TBXAS1: variants seen among roughly 807,000 people sequenced by gnomAD.
TBXAS1 encodes thromboxane A synthase 1.
In TBXAS1, 48 loss-of-function variants were observed where a neutral mutation model predicts 60.7. The observed-to-expected ratio is 0.79, with a 90% CI of 0.63 to 1.01. The LOEUF is 1.01. TBXAS1 is among the 50% of genes least tolerant of loss of function. TBXAS1 has a pLI of 0.00. For missense variants in TBXAS1, 685 were observed against 686.3 expected, an observed-to-expected ratio of 1.00 and a Z score of 0.02; for synonymous variants, 287 against 269.7, an observed-to-expected ratio of 1.06 and a Z score of -0.63.
chr7:139,951,763 ACT>A (rs1390574712), intron 5 of TBXAS1, among the ~76,000 whole-genome samples: 2 of 142,508 alleles, frequency 1.4e-5, no homozygotes, highest in African/African-American at 5.3e-5. Flanking sequence ...ACAAAGCAAG[ACT>A]CTGTCTAAAA....
chr7:139,948,523 T>A (rs1055281838), intron 5 of TBXAS1, among the ~76,000 whole-genome samples: 9 of 152,228 alleles, frequency 5.9e-5, no homozygotes, highest in East Asian at 5.8e-4. Flanking sequence ...TCACTTTTTT[T>A]AAACCTAATA....
chr7:139,998,181 T>A (rs1052363598), intron 9 of TBXAS1, among the ~76,000 whole-genome samples: 3 of 152,186 alleles, frequency 2.0e-5, no homozygotes, highest in African/African-American at 7.2e-5. Flanking sequence ...TAATCTCTCG[T>A]GTTAGAAGTC....
At chr7:139,833,995 C>G (rs1354426073) in intron 1 of TBXAS1, among the ~76,000 whole-genome samples, 1 of 152,298 alleles carries the variant, frequency 6.6e-6, no homozygotes, top group South Asian at 2.1e-4. Flanking sequence ...CATCCAATAA[C>G]CGCAGAATAC....
In TBXAS1 at chr7:139,916,484, C is replaced by T. The variant is rs1192024367; in HGVS notation, c.333+5163C>T. On this transcript the variant is annotated intron_variant, in intron 4 of 12. Coordinates refer to ENST00000448866, the MANE Select transcript of TBXAS1 (RefSeq NM_001061.7). This position sits in a 1 kb window ranked among gnomAD's most constrained non-coding sequence, Gnocchi z 4.2. ...AGCCACACCACTGACACACAAGAGT[C>T]ACGTCCAAAGCCATGTGATGGACGT... Among the ~76,000 whole-genome samples, 3 of 152,188 alleles carry T rather than the reference C, an allele frequency of 2.0e-5. No individual in the cohort carries two copies. Among genetic ancestry groups the T allele is most frequent in the Admixed American group, 6.5e-5 (1 of 15,284 alleles).
chr7:139,847,385 T>G (rs1799889784), intron 1 of TBXAS1, among the ~76,000 whole-genome samples: 1 of 152,204 alleles, frequency 6.6e-6, no homozygotes, highest in Non-Finnish European at 1.5e-5. Flanking sequence ...TTCTCGCCTG[T>G]TGACCAGATC....
At chr7:139,955,864 C>T (rs368455620) in intron 7 of TBXAS1, among the ~76,000 whole-genome samples, 4 of 152,312 alleles carry the variant, frequency 2.6e-5, no homozygotes, top group South Asian at 2.1e-4. Context: ...TGGGACGCAC[C>T]GTGTTAGGCA....
At chr7:139,853,396 C>G (rs1223727188) in intron 1 of TBXAS1, among the ~76,000 whole-genome samples, 1 of 152,212 alleles carries the variant, frequency 6.6e-6, no homozygotes, top group Non-Finnish European at 1.5e-5. Context: ...AGCCAGACAG[C>G]CTGGGTTCGA....
At chr7:139,955,682 T>C in intron 7 of TBXAS1, 75 bp downstream of exon 7, 1 of 1,595,028 alleles carries the variant, frequency 6.3e-7, no homozygotes, top group Non-Finnish European at 8.5e-7. Context: ...CTGGGGTGGC[T>C]TCTGGGGCTC....
In TBXAS1 at chr7:139,962,146, A is replaced by T; in HGVS notation, c.1047A>T (p.Thr349=). The T allele has an allele frequency of 6.2e-7, 1 of 1,614,010 alleles. No individual in the cohort carries two copies. The highest frequency in any genetic ancestry group is 8.5e-7 in the Non-Finnish European group (1 of 1,180,022). The change falls in exon 9 of 13, where the codon ACA becomes ACT. Residue 349 remains threonine (T), a synonymous_variant. Coordinates refer to ENST00000448866, the MANE Select transcript of TBXAS1 (RefSeq NM_001061.7). ...CTGGCTATGAAATCATCACCAACAC[A>T]CTTTCTTTTGCCACCTACCTACTGG... ...LIAGYEIITN[T]LSFATYLLAT...
Position 139,829,318 on chromosome 7 carries a change from G to A in TBXAS1, c.-73G>A, listed in dbSNP as rs1250817390. 1.4e-6 allele frequency: 2 copies of A among 1,430,868 alleles called. No individual in the cohort carries two copies. The highest frequency in any genetic ancestry group is 3.7e-5 in the Admixed American group (2 of 53,672). The allele number at this position is 1,430,868 out of a possible 1,614,324, so 88.6% of individuals were successfully genotyped here. The stretch of plus-strand genomic sequence containing the variant: ...TTCCCTTTTCTACCTGCAGAGCACG[G>A]TTCCCATAAGGGCGGCGAGATCAGC... On this transcript the variant is annotated 5_prime_UTR_variant, in exon 1 of 13. Transcript: ENST00000448866.
chr7:139,810,441 T>C (rs1318165066), intron 4 of TBXAS1, among the ~76,000 whole-genome samples: 1 of 152,152 alleles, frequency 6.6e-6, no homozygotes, highest in Non-Finnish European at 1.5e-5. Flanking sequence ...AGTGGTTGAG[T>C]GTCTCTGGTG....
chr7:139,876,408 T>C (rs1441145279), intron 3 of TBXAS1, among the ~76,000 whole-genome samples: 1 of 152,178 alleles, frequency 6.6e-6, no homozygotes, highest in Admixed American at 6.5e-5. Flanking sequence ...TCCTAATCAT[T>C]TTAGTTGGTT....
chr7:140,014,908 C>CAAAAAAAAA lies in TBXAS1; in HGVS notation c.1227-814_1227-806dup, dbSNP rs771922926. Among the ~76,000 whole-genome samples, 16 of 131,288 alleles carry CAAAAAAAAA rather than the reference C, an allele frequency of 1.2e-4. 1 individual carries two copies. The highest frequency in any genetic ancestry group is 4.7e-4 in the South Asian group (2 of 4,256). 86.1% of individuals were successfully genotyped at this position (131,288 alleles called of 152,430 possible). On this transcript the variant is annotated intron_variant, in intron 10 of 12. Transcript: ENST00000448866. The stretch of plus-strand genomic sequence containing the variant: ...TGGGTGACAGAGCAAGACCCTGTCT[C>CAAAAAAAAA]AAAAAAAAAGAAGAAGAAGAAAGAA...
upstream of TBXAS1, among the ~76,000 whole-genome samples, chr7:139,826,050 C>T (rs962300635): frequency 6.6e-6 from 1 of 152,172 alleles, no homozygotes; most frequent in African/African-American, 2.4e-5. Context: ...CTTGGTTATA[C>T]ATACACTGAG....
At chr7:139,831,385 C>A (rs933399064) in intron 1 of TBXAS1, among the ~76,000 whole-genome samples, 1 of 152,182 alleles carries the variant, frequency 6.6e-6, no homozygotes, top group Admixed American at 6.5e-5. Flanking sequence ...TAAGCAACAG[C>A]CACCAGCTTG....
intron 3 of TBXAS1, among the ~76,000 whole-genome samples, chr7:139,908,447 T>G (rs1434231860): frequency 6.6e-6 from 1 of 152,128 alleles, no homozygotes; most frequent in Non-Finnish European, 1.5e-5. Flanking sequence ...GTGGATAACT[T>G]GAACATTTTT....
intron 10 of TBXAS1, among the ~76,000 whole-genome samples, chr7:140,011,285 C>A (rs201351082): frequency 0.17 from 1,035 of 5,950 alleles, 16 homozygotes; most frequent in African/African-American, 0.28. Flanking sequence ...TCAAAAAAAA[C>A]AAACAAACAA....
In TBXAS1 at chr7:139,911,216, T is replaced by A; in HGVS notation, c.237-9T>A. The A allele has an allele frequency of 6.2e-7, 1 of 1,613,446 alleles. No homozygotes were observed. Among genetic ancestry groups the A allele is most frequent in the Non-Finnish European group, 8.5e-7 (1 of 1,179,352 alleles). On this transcript the variant is annotated splice_polypyrimidine_tract_variant and intron_variant, in intron 3 of 12. Transcript: ENST00000448866. Reference sequence around the variant, plus strand: ...CAACACATTTTAATGCATTTTTTATTCCTCCCAGGTACTATCTTGGTCGTC... The same window carrying A: ...CAACACATTTTAATGCATTTTTTATACCTCCCAGGTACTATCTTGGTCGTC...
rs1380010444 is a variant in TBXAS1 at position 139,916,068 on chromosome 7, A to G, written c.333+4747A>G. Among the ~76,000 whole-genome samples the G allele has an allele frequency of 1.3e-5, 2 of 152,198 alleles. No individual in the cohort carries two copies. Among genetic ancestry groups the G allele is most frequent in the African/African-American group, 4.8e-5 (2 of 41,452 alleles). On this transcript the variant is annotated intron_variant, in intron 4 of 12. Transcript: ENST00000448866. This position sits in a 1 kb window ranked among gnomAD's most constrained non-coding sequence, Gnocchi z 4.2. ...GTCGTCCTGGTACATCAGGACTCGG[A>G]TGTTTCTATTTAGATATTTTCAATG... is the stretch of plus-strand genomic sequence containing the variant.
Sources: gnomAD v4.1 joint callset for allele counts (sites outside exome capture counted in the v4.1 genomes callset) on GRCh38, gnomAD v4.1.1 for gene constraint, Gnocchi (gnomAD v3.1) non-coding constraint, MANE v1.5 for transcripts, NCBI Gene and HGNC (gene_info 2026-07-23, HGNC 2026-07-21) for gene names.